CD2: variants seen among roughly 807,000 people sequenced by gnomAD.
The protein encoded by CD2 is T-cell surface antigen CD2.
In CD2, 18 loss-of-function variants were observed where a neutral mutation model predicts 23.2. That is an observed-to-expected ratio of 0.77 (90% CI 0.54 to 1.15). The LOEUF is 1.15. Ranked by LOEUF, CD2 falls within the 50% of genes most tolerant of loss-of-function variation. The pLI, the probability that CD2 is intolerant of heterozygous loss-of-function variation, is 0.00. For missense variants in CD2, 424 were observed against 423.1 expected (o/e 1.00, Z -0.02); for synonymous variants, 162 against 151.9 (o/e 1.07, Z -0.49).
intron 4 of CD2, among the ~76,000 whole-genome samples, chr1:116,765,251 C>A (rs1185939248): frequency 6.6e-6 from 1 of 152,170 alleles, no homozygotes; most frequent in Non-Finnish European, 1.5e-5. Context: ...AATGGCCAAC[C>A]CGGGGTCACT....
At chr1:116,759,394 G>T (rs953996653) in intron 2 of CD2, among the ~76,000 whole-genome samples, 2 of 151,092 alleles carry the variant, frequency 1.3e-5, no homozygotes, top group Non-Finnish European at 2.9e-5. Flanking sequence ...AGAGGGAAAA[G>T]TGGCAAGTCT....
intron 4 of CD2, among the ~76,000 whole-genome samples, chr1:116,767,932 T>C (rs1037973343): frequency 6.6e-6 from 1 of 152,336 alleles, no homozygotes; most frequent in East Asian, 1.9e-4. Flanking sequence ...CTTGAATTTC[T>C]GAGAAGCGAG....
chr1:116,765,538 T>A (rs951348966), intron 4 of CD2, among the ~76,000 whole-genome samples: 8 of 152,170 alleles, frequency 5.3e-5, no homozygotes, highest in African/African-American at 1.7e-4. Flanking sequence ...CTGCGGTCCC[T>A]CAGCCCCACG....
In CD2 at chr1:116,754,875, G is replaced by T. The variant is rs139309655; in HGVS notation, c.306G>T (p.Gln102His). 2.1e-4 allele frequency: 334 copies of T among 1,612,518 alleles called. No homozygotes were observed. Among genetic ancestry groups the T allele is most frequent in the Non-Finnish European group, 2.7e-4 (315 of 1,178,726 alleles). Residue 102 changes from glutamine to histidine, a missense_variant, in exon 2 of 5, where the codon CAG becomes CAT. Gln to His is a conservative substitution (Grantham distance 24). Coordinates refer to ENST00000369478, the MANE Select transcript of CD2 (RefSeq NM_001767.5). ...TTAAGCATCTGAAGACCGATGATCAGGATATCTACAAGGTATCAATATATG... is the reference window on the plus strand; with the variant it reads ...TTAAGCATCTGAAGACCGATGATCATGATATCTACAAGGTATCAATATATG... ...LKIKHLKTDDQDIYKVSIYDT... is the reference protein window; with the variant it reads ...LKIKHLKTDDHDIYKVSIYDT...
At chr1:116,762,432 A>G (rs543795472) in intron 3 of CD2, among the ~76,000 whole-genome samples, 1 of 152,322 alleles carries the variant, frequency 6.6e-6, no homozygotes, top group East Asian at 1.9e-4. Flanking sequence ...GGTGCAGAGC[A>G]GAAGCTCATT....
chr1:116,756,109 G>C (rs924957799), intron 2 of CD2, among the ~76,000 whole-genome samples: 3 of 152,120 alleles, frequency 2.0e-5, no homozygotes, highest in African/African-American at 7.2e-5. Context: ...AGCAATCCCA[G>C]ACACTGTCAG....
chr1:116,768,710 T>A lies in CD2; in HGVS notation c.983T>A (p.Leu328His). 6.2e-7 allele frequency: 1 copy of A among 1,613,948 alleles called. No homozygotes were observed. The change falls in exon 5 of 5, where the codon CTC (leucine) becomes CAC (histidine). Residue 328 changes from leucine to histidine, a missense_variant. Physicochemically the swap from Leu to His is moderately conservative, Grantham distance 99. Transcript: ENST00000369478. Reference sequence around the variant, plus strand: ...GTTCACCAGCAGAAAGGCCCGCCCCTCCCCAGACCTCGAGTTCAGCCAAAA... The same window carrying A: ...GTTCACCAGCAGAAAGGCCCGCCCCACCCCAGACCTCGAGTTCAGCCAAAA... The part of the protein sequence containing the change: ...TQVHQQKGPP[L>H]PRPRVQPKPP...
chr1:116,766,878 T>TAAA (rs1652233153), intron 4 of CD2, among the ~76,000 whole-genome samples: 1 of 151,040 alleles, frequency 6.6e-6, no homozygotes, highest in South Asian at 2.1e-4. Context: ...ACAAAACAAA[T>TAAA]AAAAAACAAA....
At position 116,760,609 on chromosome 1, in the gene CD2, G is replaced by A. The variant is rs747161977; in HGVS notation, c.590G>A (p.Ser197Asn). The A allele has an allele frequency of 1.9e-6, 3 of 1,614,242 alleles. No homozygotes were observed. The South Asian group carries it at 3.3e-5, about 18-fold the overall frequency. Residue 197 changes from serine (S) to asparagine (N), a missense_variant, in exon 3 of 5, where the codon AGT (serine) becomes AAT (asparagine). By Grantham distance (46) the Ser-to-Asn change is conservative (BLOSUM62 1). Transcript: ENST00000369478. ...TAGNKVSKESSVEPVSCPEKG... is the reference protein window; with the variant it reads ...TAGNKVSKESNVEPVSCPEKG... ...GGGAACAAAGTCAGCAAGGAATCCA[G>A]TGTCGAGCCTGTCAGCTGTCCAGGT...
At chr1:116,760,658 A>G (rs976599812) in intron 3 of CD2, 26 bp downstream of exon 3, 15 of 1,576,232 alleles carry the variant, frequency 9.5e-6, no homozygotes, top group Middle Eastern at 1.7e-4. Context: ...CACTTCACAA[A>G]CACAGCCTGC....
chr1:116,762,186 C>T (rs571763399), intron 3 of CD2, among the ~76,000 whole-genome samples: 20 of 152,250 alleles, frequency 1.3e-4, no homozygotes, highest in Admixed American at 2.0e-4. Context: ...AGCATAAGTA[C>T]GTTTCAGATA....
At chr1:116,756,277 G>A (rs557997934) in intron 2 of CD2, among the ~76,000 whole-genome samples, 4 of 152,224 alleles carry the variant, frequency 2.6e-5, no homozygotes, top group African/African-American at 4.8e-5. Flanking sequence ...CACAAAACTC[G>A]AGTGTCCTGT....
At chr1:116,759,055 C>A (rs1394482736) in intron 2 of CD2, among the ~76,000 whole-genome samples, 1 of 152,110 alleles carries the variant, frequency 6.6e-6, no homozygotes, top group Non-Finnish European at 1.5e-5. Flanking sequence ...ACCATCACCA[C>A]AATCATGTTA....
Position 116,764,321 on chromosome 1 carries a change from G to A in CD2, c.614-163G>A, listed in dbSNP as rs957345748. ...TTCCCAAGGACCTTGGGTCCTTCCA[G>A]GGTTGACACCACTCACCACCCTCTG... On this transcript the variant is annotated intron_variant, in intron 3 of 4. Transcript: ENST00000369478. The A allele has an allele frequency of 4.3e-6, 3 of 690,148 alleles. No individual in the cohort carries two copies. The African/African-American group carries it at 5.8e-5, about 13-fold the overall frequency. The allele number at this position is 690,148 out of a possible 1,614,324, so 42.8% of individuals were successfully genotyped here. A position where few individuals can be genotyped will look rare whatever the true frequency, so the allele number is the denominator to read the frequency against.
intron 2 of CD2, among the ~76,000 whole-genome samples, chr1:116,755,777 G>C (rs546027847): frequency 1.3e-5 from 2 of 152,262 alleles, no homozygotes; most frequent in East Asian, 1.9e-4. Context: ...ATAAGGGTCA[G>C]GCATAGAGAA....
chr1:116,758,662 C>T (rs1004352686), intron 2 of CD2, among the ~76,000 whole-genome samples: 1 of 152,086 alleles, frequency 6.6e-6, no homozygotes, highest in African/African-American at 2.4e-5. Flanking sequence ...ACTCGAGTGT[C>T]CTGTTTTGAG....
rs749717681 is a variant in CD2, at chr1:116,768,835, C to T, written c.*52C>T. On this transcript the variant is annotated 3_prime_UTR_variant, in exon 5 of 5. Transcript: ENST00000369478. ...AAAAAGCACTGTGGATTTCTGCCCT[C>T]CTGATGTGCATATCCGTACTTCCAT... The T allele has an allele frequency of 6.6e-7, 1 of 1,519,494 alleles. No individual in the cohort carries two copies. The highest frequency in any genetic ancestry group is 9.0e-7 in the Non-Finnish European group (1 of 1,116,630). 94.1% of individuals were successfully genotyped at this position (1,519,494 alleles called of 1,614,324 possible).
At chr1:116,764,398 T>G (rs912427351) in intron 3 of CD2, 86 bp from the exon 4 acceptor site, 5 of 1,542,268 alleles carry the variant, frequency 3.2e-6, no homozygotes, top group Middle Eastern at 2.0e-4. Flanking sequence ...TCTATCTGCT[T>G]GATGCAGGAG....
At position 116,768,854 on chromosome 1, in the gene CD2, C is replaced by G; in HGVS notation, c.*71C>G. The G allele has an allele frequency of 7.0e-7, 1 of 1,425,546 alleles. No homozygotes were observed. The highest frequency in any genetic ancestry group is 9.6e-7 in the Non-Finnish European group (1 of 1,041,870). The allele number at this position is 1,425,546 out of a possible 1,614,324, so 88.3% of individuals were successfully genotyped here. A position where few individuals can be genotyped will look rare whatever the true frequency, so the allele number is the denominator to read the frequency against. On this transcript the variant is annotated 3_prime_UTR_variant, in exon 5 of 5. Transcript: ENST00000369478. ...TGCCCTCCTGATGTGCATATCCGTA[C>G]TTCCATGAGGTGTTTTCTGTGTGCA...
Sources: allele counts gnomAD v4.1 joint callset (sites outside exome capture counted in the v4.1 genomes callset), GRCh38; gene constraint gnomAD v4.1.1; transcripts MANE v1.5; gene names NCBI Gene and HGNC (gene_info 2026-07-23, HGNC 2026-07-21).